FHIT: variants seen among roughly 807,000 people sequenced by gnomAD.
FHIT encodes the protein fragile histidine triad diadenosine triphosphatase.
FHIT carries 19 observed loss-of-function variants against 17.9 expected under a neutral mutation model. That is an observed-to-expected ratio of 1.06 (90% confidence interval 0.74 to 1.56). FHIT has a LOEUF of 1.56. Among genes scored for constraint, FHIT ranks in the 40% most tolerant of loss-of-function variants. The pLI, the probability that FHIT is intolerant of heterozygous loss-of-function variation, is 0.00. For synonymous variants in FHIT, 81 were observed against 69.7 expected, an observed-to-expected ratio of 1.16 and a Z score of -0.81; for missense variants, 248 against 189.2, an observed-to-expected ratio of 1.31 and a Z score of -1.82.
At chr3:60,015,782 T>C (rs987455858) in intron 5 of FHIT, among the ~76,000 whole-genome samples, 72 of 152,320 alleles carry the variant, frequency 4.7e-4, no homozygotes, top group African/African-American at 1.6e-3. Context: ...CTGTGAAAAC[T>C]GGTGGAATAA....
chr3:61,005,698 G>GTT (rs1333097109), intron 3 of FHIT, among the ~76,000 whole-genome samples: 1 of 152,096 alleles, frequency 6.6e-6, no homozygotes, highest in African/African-American at 2.4e-5. Context: ...ATGAATTTCG[G>GTT]TTTCCCTGTG....
At chr3:59,792,992 G>A (rs1366497350) in intron 8 of FHIT, among the ~76,000 whole-genome samples, 2 of 151,888 alleles carry the variant, frequency 1.3e-5, no homozygotes, top group Non-Finnish European at 2.9e-5. Context: ...CCATCCGCCT[G>A]CACTGTGACT....
rs143578870 is a variant in FHIT at position 60,040,788 on chromosome 3, G to C, written c.104-26636C>G. ...GTGACTCCAGGGCACCAACATGTAGGGGAGAAATACTGCTGAGGGGAATGA... is the reference window on the plus strand; with the variant it reads ...GTGACTCCAGGGCACCAACATGTAGCGGAGAAATACTGCTGAGGGGAATGA... On this transcript the variant is annotated intron_variant, in intron 5 of 9. Coordinates refer to ENST00000492590, the MANE Select transcript of FHIT (RefSeq NM_002012.4). Among the ~76,000 whole-genome samples, 851 of 152,192 alleles carry C rather than the reference G, an allele frequency of 5.6e-3. 5 individuals are homozygous for C. Among genetic ancestry groups the C allele is most frequent in the African/African-American group, 0.019 (800 of 41,506 alleles).
intron 7 of FHIT, among the ~76,000 whole-genome samples, chr3:59,958,313 T>C (rs1707501602): frequency 6.6e-6 from 1 of 152,194 alleles, no homozygotes; most frequent in Non-Finnish European, 1.5e-5. Context: ...ATTGATTCTT[T>C]TAATAGATCT....
chr3:60,733,591 T>C (rs577928331), intron 4 of FHIT, among the ~76,000 whole-genome samples: 2 of 152,320 alleles, frequency 1.3e-5, no homozygotes, highest in Admixed American at 1.3e-4. Context: ...CATCACTTCC[T>C]TTCAGATGTT....
chr3:61,233,230 A>C (rs952888102), intron 1 of FHIT, among the ~76,000 whole-genome samples: 3 of 152,192 alleles, frequency 2.0e-5, no homozygotes, highest in Admixed American at 6.5e-5. Context: ...CTAAGAAAAT[A>C]ATAAGAGATT....
At chr3:60,049,280 A>T (rs1265692024) in intron 5 of FHIT, among the ~76,000 whole-genome samples, 3 of 152,180 alleles carry the variant, frequency 2.0e-5, no homozygotes, top group African/African-American at 7.2e-5. Context: ...GTACCTCTGG[A>T]TCTAAGCTGT....
rs143529340 is a variant in FHIT at position 60,026,019 on chromosome 3, A to AGG, written c.104-11869_104-11868dup. ...ATCACTAAACCTCCAAGGCCTGTAA[A>AGG]GGGGGGGAAAGAAAAGTTCTTTCCA... On this transcript the variant is annotated intron_variant, in intron 5 of 9. Transcript: ENST00000492590. Among the ~76,000 whole-genome samples, 1,076 of 152,212 alleles carry AGG rather than the reference A, an allele frequency of 7.1e-3. 16 individuals carry two copies. The highest frequency in any genetic ancestry group is 0.025 in the African/African-American group (1,024 of 41,536).
intron 4 of FHIT, among the ~76,000 whole-genome samples, chr3:60,712,034 T>G (rs1378680362): frequency 2.0e-5 from 3 of 152,264 alleles, no homozygotes; most frequent in East Asian, 3.9e-4. Context: ...AAAGGTCGGG[T>G]TACCCACAAA....
intron 8 of FHIT, among the ~76,000 whole-genome samples, chr3:59,878,239 G>T (rs577641978): frequency 6.6e-6 from 1 of 152,168 alleles, no homozygotes; most frequent in Non-Finnish European, 1.5e-5. Flanking sequence ...CAAGGCCATG[G>T]TTACCTGACA....
intron 4 of FHIT, among the ~76,000 whole-genome samples, chr3:60,541,607 A>C (rs1372019206): frequency 6.6e-6 from 1 of 152,248 alleles, no homozygotes; most frequent in African/African-American, 2.4e-5. Context: ...ATCAAAGGCA[A>C]GGACATCCTT....
chr3:61,091,935 C>T (rs59513080), intron 2 of FHIT, among the ~76,000 whole-genome samples: 1 of 71,110 alleles, frequency 1.4e-5, no homozygotes, highest in African/African-American at 8.0e-5. Context: ...GAGACCTTGT[C>T]TAAAAAAAAA....
At chr3:60,174,483 C>G (rs181001022) in intron 5 of FHIT, among the ~76,000 whole-genome samples, 1 of 152,276 alleles carries the variant, frequency 6.6e-6, no homozygotes, top group Admixed American at 6.5e-5. Context: ...CTAATTAACA[C>G]TGTTGGCCTT....
At chr3:60,644,927 T>C (rs1161817285) in intron 4 of FHIT, among the ~76,000 whole-genome samples, 2 of 152,184 alleles carry the variant, frequency 1.3e-5, no homozygotes, top group Non-Finnish European at 2.9e-5. Flanking sequence ...AGTTCTGTTA[T>C]AATCTAGCTT....
intron 5 of FHIT, among the ~76,000 whole-genome samples, chr3:60,117,010 C>A (rs766939156): frequency 5.9e-5 from 9 of 152,096 alleles, no homozygotes; most frequent in Non-Finnish European, 1.0e-4. Context: ...TTAAATACAT[C>A]TTCTAGGGAG....
At chr3:61,249,360 T>C (rs2040558642) in intron 1 of FHIT, among the ~76,000 whole-genome samples, 1 of 152,214 alleles carries the variant, frequency 6.6e-6, no homozygotes, top group African/African-American at 2.4e-5. Context: ...ATCTTTATTA[T>C]AGGCCAAGAA....
chr3:60,514,095 A>G (rs1349730949), intron 5 of FHIT, among the ~76,000 whole-genome samples: 1 of 152,172 alleles, frequency 6.6e-6, no homozygotes, highest in African/African-American at 2.4e-5. Context: ...TCATCACCCA[A>G]TAAAATCCTC....
intron 1 of FHIT, 39 bp from the exon 2 acceptor site, chr3:61,200,704 A>G (rs1359932686): frequency 6.6e-6 from 1 of 152,662 alleles, no homozygotes; most frequent in African/African-American, 2.4e-5. Context: ...GTTGTCTGTG[A>G]GTACAACAAC....
chr3:61,201,587 GT>G (rs916790509), intron 1 of FHIT, among the ~76,000 whole-genome samples: 3 of 151,798 alleles, frequency 2.0e-5, no homozygotes, highest in African/African-American at 7.3e-5. Flanking sequence ...TTACTGGGCT[GT>G]TTCCCTCCAC....
Sources: allele counts gnomAD v4.1 joint callset (sites outside exome capture counted in the v4.1 genomes callset), GRCh38; gene constraint gnomAD v4.1.1; transcripts MANE v1.5; gene names NCBI Gene and HGNC (gene_info 2026-07-23, HGNC 2026-07-21).